NEK10: variants seen among roughly 807,000 people sequenced by gnomAD.
The protein encoded by NEK10 is serine/threonine-protein kinase Nek10.
In NEK10, 122 loss-of-function variants were observed where a neutral mutation model predicts 159.8. The ratio of observed to expected loss-of-function variants is 0.76; its 90% CI spans 0.66 to 0.89. The LOEUF (loss-of-function observed/expected upper bound fraction) is 0.89, where lower values mean the gene tolerates loss of function less well. Among genes scored for constraint, NEK10 ranks in the 40% least tolerant of loss-of-function variants. The probability of loss-of-function intolerance (pLI) is 0.00; values close to 1 mark genes in which losing one functional copy is unlikely to be tolerated. For missense variants in NEK10, 1,342 were observed against 1,323.1 expected (o/e 1.01, Z -0.22); for synonymous variants, 466 against 457.1 (o/e 1.02, Z -0.25).
chr3:27,260,869 T>C (rs2040350499), intron 22 of NEK10, among the ~76,000 whole-genome samples: 1 of 152,226 alleles, frequency 6.6e-6, no homozygotes, highest in Non-Finnish European at 1.5e-5. Context: ...TTTTGGTTGG[T>C]AAACTATTGA....
intron 35 of NEK10, among the ~76,000 whole-genome samples, chr3:27,112,026 T>C (rs1435286405): frequency 6.6e-6 from 1 of 152,174 alleles, no homozygotes; most frequent in African/African-American, 2.4e-5. Flanking sequence ...CAGTCCTAGC[T>C]CCCTTTTTCC....
At chr3:27,129,049 C>T (rs1311608898) in intron 32 of NEK10, among the ~76,000 whole-genome samples, 1 of 152,112 alleles carries the variant, frequency 6.6e-6, no homozygotes, top group Non-Finnish European at 1.5e-5. Context: ...TGAATCTCTG[C>T]TATCTTGCTT....
chr3:27,248,185 T>G (rs1375797562), intron 23 of NEK10, among the ~76,000 whole-genome samples: 1 of 152,186 alleles, frequency 6.6e-6, no homozygotes, highest in Non-Finnish European at 1.5e-5. Context: ...CTAATTATTC[T>G]TTGAATTTCT....
intron 30 of NEK10, among the ~76,000 whole-genome samples, chr3:27,161,240 T>A (rs929839116): frequency 6.6e-6 from 1 of 152,236 alleles, no homozygotes; most frequent in Non-Finnish European, 1.5e-5. Flanking sequence ...CTTAATTTCA[T>A]AATTATATTT....
At chr3:27,121,314 C>T (rs1298498163) in intron 32 of NEK10, among the ~76,000 whole-genome samples, 1 of 152,102 alleles carries the variant, frequency 6.6e-6, no homozygotes, top group Non-Finnish European at 1.5e-5. Context: ...AGAAAAGAAG[C>T]CAGAAACAAA....
chr3:27,268,331 C>T (rs1338888557), intron 22 of NEK10, among the ~76,000 whole-genome samples: 7 of 152,174 alleles, frequency 4.6e-5, no homozygotes, highest in African/African-American at 1.7e-4. Flanking sequence ...TTCCCTTCTA[C>T]TGAAAGAAGA....
intron 22 of NEK10, among the ~76,000 whole-genome samples, chr3:27,263,843 C>T (rs1273301866): frequency 2.0e-5 from 3 of 152,180 alleles, no homozygotes; most frequent in Admixed American, 6.5e-5. Context: ...CTTTCCGACA[C>T]TCCTCAGTGA....
intron 23 of NEK10, among the ~76,000 whole-genome samples, chr3:27,246,879 C>G (rs1282760935): frequency 6.6e-6 from 1 of 152,106 alleles, no homozygotes; most frequent in East Asian, 1.9e-4. Context: ...AATGATATTA[C>G]TTTCTTGATT....
chr3:27,191,951 G>T, intron 26 of NEK10, 78 bp downstream of exon 26: 1 of 1,241,908 alleles, frequency 8.1e-7, no homozygotes, highest in Non-Finnish European at 1.2e-6. Flanking sequence ...TTTGATGAAT[G>T]TTCCTTAAAA....
intron 26 of NEK10, among the ~76,000 whole-genome samples, chr3:27,189,833 T>C: frequency 6.6e-6 from 1 of 152,182 alleles, no homozygotes; most frequent in East Asian, 1.9e-4. Flanking sequence ...TGTATGACTA[T>C]TTAAAGCAGG....
chr3:27,294,130 TAA>T (rs1206464336), intron 15 of NEK10, among the ~76,000 whole-genome samples: 1 of 152,128 alleles, frequency 6.6e-6, no homozygotes, highest in African/African-American at 2.4e-5. Context: ...GTCTCTTGAG[TAA>T]AGAGTCTTAA....
chr3:27,352,489 C>G lies in NEK10; in HGVS notation c.108G>C (p.Leu36Phe). The G allele has an allele frequency of 6.2e-7, 1 of 1,611,826 alleles. No homozygotes were observed. The highest frequency in any genetic ancestry group is 8.5e-7 in the Non-Finnish European group (1 of 1,178,074). Residue 36 changes from leucine (L) to phenylalanine (F), a missense_variant, in exon 3 of 36, where the codon TTG (leucine) becomes TTC (phenylalanine). Coordinates refer to ENST00000691995, the MANE Select transcript of NEK10 (RefSeq NM_001394966.1). The stretch of plus-strand genomic sequence containing the variant: ...CCTGTTGTTTGCTTGATTGGACGTT[C>G]AAAAGGCACCGAAGTCTTTTAAGAT... ...YSDLKRLRCL[L>F]NVQSSKQQLP...
In NEK10 at chr3:27,110,967, G is replaced by A. The variant is rs975631957; in HGVS notation, c.*305C>T. 11 of 256,046 alleles carry A rather than the reference G, an allele frequency of 4.3e-5. No homozygotes were observed. Among genetic ancestry groups the A allele is most frequent in the African/African-American group, 2.0e-4 (9 of 45,152 alleles). The allele number at this position is 256,046 out of a possible 1,614,324, so 15.9% of individuals were successfully genotyped here. A position where few individuals can be genotyped will look rare whatever the true frequency, so the allele number is the denominator to read the frequency against. Reference sequence around the variant, plus strand: ...GAAAATTCTGTAAGAGAGTTTTTTTGTTGTTGTTTTTGGGTTTTCCCCCCA... The same window carrying A: ...GAAAATTCTGTAAGAGAGTTTTTTTATTGTTGTTTTTGGGTTTTCCCCCCA... On this transcript the variant is annotated 3_prime_UTR_variant, in exon 36 of 36. Transcript: ENST00000691995.
In NEK10 at chr3:27,174,530, A is replaced by C; in HGVS notation, c.2690-5T>G. 1 of 1,605,926 alleles carries C rather than the reference A, an allele frequency of 6.2e-7. No individual in the cohort carries two copies. The highest frequency in any genetic ancestry group is 2.2e-5 in the East Asian group (1 of 44,802). On this transcript the variant is annotated splice_region_variant and splice_polypyrimidine_tract_variant and intron_variant, in intron 27 of 35. Coordinates refer to ENST00000691995, the MANE Select transcript of NEK10 (RefSeq NM_001394966.1). The stretch of plus-strand genomic sequence containing the variant: ...CATCTACCTCTGAATATGTATCTGC[A>C]CATTAATAAAAACAATAAAAAAGCA...
chr3:27,204,295 G>GTTTTT (rs1950306350), intron 23 of NEK10, among the ~76,000 whole-genome samples: 1 of 73,976 alleles, frequency 1.4e-5, no homozygotes, highest in Non-Finnish European at 2.4e-5. Flanking sequence ...TTTTTTTTTT[G>GTTTTT]TTGTTGTTTT....
intron 23 of NEK10, among the ~76,000 whole-genome samples, chr3:27,244,427 G>A (rs577653376): frequency 6.6e-6 from 1 of 152,240 alleles, no homozygotes; most frequent in East Asian, 1.9e-4. Flanking sequence ...GTCTCTTAAT[G>A]TATTATTCAA....
intron 5 of NEK10, among the ~76,000 whole-genome samples, chr3:27,342,572 CAT>C (rs947356745): frequency 6.6e-6 from 1 of 152,168 alleles, no homozygotes; most frequent in Non-Finnish European, 1.5e-5. Flanking sequence ...AGGTACTGCT[CAT>C]GTTACAAGCC....
intron 29 of NEK10, among the ~76,000 whole-genome samples, chr3:27,166,107 C>T (rs1395628231): frequency 6.6e-6 from 1 of 152,196 alleles, no homozygotes; most frequent in African/African-American, 2.4e-5. Flanking sequence ...ACTGCAGCCA[C>T]ACCATGTGAG....
rs1309879621 is a variant in NEK10 at position 27,322,186 on chromosome 3, T to TGGA, written c.435_437dup (p.Pro146dup). On this transcript the variant is annotated inframe_insertion, in exon 6 of 36. Coordinates refer to ENST00000691995, the MANE Select transcript of NEK10 (RefSeq NM_001394966.1). ...TATTTTTCCAACCAACCTGATAACATGGATCCCTCATTAGTAGCCTCAGAC... is the reference window on the plus strand; with the variant it reads ...TATTTTTCCAACCAACCTGATAACATGGAGGATCCCTCATTAGTAGCCTCAGAC... 1.3e-6 allele frequency: 2 copies of TGGA among 1,541,260 alleles called. No individual in the cohort carries two copies. The highest frequency in any genetic ancestry group is 1.8e-6 in the Non-Finnish European group (2 of 1,132,242).
Sources: gnomAD v4.1 joint callset for allele counts (sites outside exome capture counted in the v4.1 genomes callset) on GRCh38, gnomAD v4.1.1 for gene constraint, MANE v1.5 for transcripts, NCBI Gene and HGNC (gene_info 2026-07-23, HGNC 2026-07-21) for gene names.